The following RXRG variants were observed in gnomAD, a reference collection of about 807,000 sequenced individuals.
RXRG encodes retinoid X receptor gamma, also known as retinoic acid receptor RXR-gamma.
A neutral mutation model predicts 49.2 loss-of-function variants in RXRG; 19 were observed. That is an observed-to-expected ratio of 0.39 (90% CI 0.27 to 0.57). The LOEUF is 0.57. Among genes scored for constraint, RXRG ranks in the 20% least tolerant of loss-of-function variants. The pLI is 0.64. For synonymous variants in RXRG, 224 were observed against 216.6 expected, an observed-to-expected ratio of 1.03 and a Z score of -0.30; for missense variants, 452 against 592.5, an observed-to-expected ratio of 0.76 and a Z score of 2.46.
chr1:165,433,577 T>C (rs1557925010), intron 1 of RXRG, among the ~76,000 whole-genome samples: 1 of 152,252 alleles, frequency 6.6e-6, no homozygotes, highest in Non-Finnish European at 1.5e-5. Flanking sequence ...CTCAAAAGGT[T>C]TTCTTCTCTC....
At chr1:165,414,393 G>T (rs1366342314) in intron 4 of RXRG, among the ~76,000 whole-genome samples, 4 of 152,160 alleles carry the variant, frequency 2.6e-5, no homozygotes, top group Non-Finnish European at 5.9e-5. Context: ...ACGAACCACA[G>T]TTCCCAACAT....
chr1:165,431,255 C>T (rs1230150767), intron 1 of RXRG, among the ~76,000 whole-genome samples: 1 of 152,078 alleles, frequency 6.6e-6, no homozygotes, highest in Non-Finnish European at 1.5e-5. Flanking sequence ...TACAAGATGA[C>T]TCAATTATGA....
chr1:165,434,224 A>T (rs1184570527), intron 1 of RXRG, among the ~76,000 whole-genome samples: 1 of 151,772 alleles, frequency 6.6e-6, no homozygotes, highest in East Asian at 1.9e-4. Flanking sequence ...ATAAGAAAGC[A>T]ATGTTCCTGA....
Position 165,410,971 on chromosome 1 carries a change from C to T in RXRG, c.761G>A (p.Gly254Asp). The T allele has an allele frequency of 1.2e-6, 2 of 1,614,162 alleles. No homozygotes were observed. Among genetic ancestry groups the T allele is most frequent in the Non-Finnish European group, 8.5e-7 (1 of 1,180,014 alleles). Residue 254 changes from glycine (G) to aspartate (D), a missense_variant, in exon 5 of 10, where the codon GGT (glycine) becomes GAT (aspartate). Physicochemically the swap from Gly to Asp is moderately conservative, Grantham distance 94. This residue lies in a region of RXRG where 286 missense variants were observed against 440.9 expected (regional missense o/e 0.65). Transcript: ENST00000359842. ...TACCGAGTTCTCCATATTCATGTCA[C>T]CATAGGATTCTGTCTTTGGTTCAAC... ...LAVEPKTESY[G>D]DMNMENSTND...
chr1:165,426,301 G>A (rs1658484503), intron 2 of RXRG, among the ~76,000 whole-genome samples: 1 of 152,160 alleles, frequency 6.6e-6, no homozygotes, highest in Admixed American at 6.5e-5. Flanking sequence ...TAGTTTATTT[G>A]GCCTGAGGAA....
intron 1 of RXRG, among the ~76,000 whole-genome samples, chr1:165,440,927 T>C (rs1021080897): frequency 4.6e-5 from 7 of 152,270 alleles, no homozygotes; most frequent in Non-Finnish European, 5.9e-5. Flanking sequence ...AAATAGTTTA[T>C]ACGAAATATG....
At position 165,403,885 on chromosome 1, in the gene RXRG, C is replaced by T. The variant is rs1269824021; in HGVS notation, c.1245-2475G>A. On this transcript the variant is annotated intron_variant, in intron 9 of 9. Transcript: ENST00000359842. ...ATCAAGGCTAATAGAAATAAACACA[C>T]CCATGAACGTCACAGCATTCCTCAC... Among the ~76,000 whole-genome samples, 5 of 152,322 alleles carry T rather than the reference C, an allele frequency of 3.3e-5. No homozygotes were observed. The South Asian group carries it at 6.2e-4, about 19-fold the overall frequency.
chr1:165,417,007 C>T (rs1658146221), intron 4 of RXRG, 34 bp downstream of exon 4: 4 of 1,588,398 alleles, frequency 2.5e-6, no homozygotes, highest in Non-Finnish European at 3.4e-6. Context: ...ATGCCTCTCT[C>T]CGGACACGAG....
intron 6 of RXRG, among the ~76,000 whole-genome samples, chr1:165,409,924 G>A (rs919887885): frequency 6.6e-6 from 1 of 150,590 alleles, no homozygotes; most frequent in African/African-American, 2.4e-5. Flanking sequence ...ATGCAACCCA[G>A]AATGACAGCT....
intron 7 of RXRG, among the ~76,000 whole-genome samples, chr1:165,408,557 G>A (rs1657835685): frequency 1.3e-5 from 2 of 152,170 alleles, no homozygotes; most frequent in African/African-American, 4.8e-5. Flanking sequence ...ACTGCCATGA[G>A]CAAAGTCCAA....
chr1:165,414,618 T>C (rs984056852), intron 4 of RXRG, among the ~76,000 whole-genome samples: 5 of 152,304 alleles, frequency 3.3e-5, no homozygotes, highest in African/African-American at 1.2e-4. Context: ...GGGAAAAAAA[T>C]GACCCTGCAG....
intron 2 of RXRG, among the ~76,000 whole-genome samples, chr1:165,427,732 G>A (rs531005155): frequency 5.9e-5 from 9 of 152,298 alleles, no homozygotes; most frequent in Admixed American, 4.6e-4. Context: ...ATGAGCCACC[G>A]TGCCCGGCCT....
In RXRG at chr1:165,401,030, G is replaced by T. The variant is rs1251124361; in HGVS notation, c.*233C>A. ...ACAGAGGCTTGATTAGTTTTCCCAA[G>T]AACTTCCAGAAAGTCTCCCAGCCCT... On this transcript the variant is annotated 3_prime_UTR_variant, in exon 10 of 10. Coordinates refer to ENST00000359842, the MANE Select transcript of RXRG (RefSeq NM_006917.5). 3 of 468,658 alleles carry T rather than the reference G, an allele frequency of 6.4e-6. No individual in the cohort carries two copies. The Admixed American group carries it at 1.2e-4, about 19-fold the overall frequency. 29.0% of individuals were successfully genotyped at this position (468,658 alleles called of 1,614,324 possible).
chr1:165,408,470 C>T (rs1657829493), intron 7 of RXRG, 152 bp from the exon 8 acceptor site: 1 of 624,630 alleles, frequency 1.6e-6, no homozygotes, highest in Admixed American at 2.7e-5. Context: ...GATGCAACCC[C>T]TCATTGCAAG....
intron 3 of RXRG, among the ~76,000 whole-genome samples, chr1:165,419,136 C>T (rs1658227945): frequency 6.6e-6 from 1 of 151,754 alleles, no homozygotes; most frequent in Non-Finnish European, 1.5e-5. Flanking sequence ...AGGAAAGAAG[C>T]AAGGAAAGAA....
intron 9 of RXRG, among the ~76,000 whole-genome samples, chr1:165,402,886 ACT>A (rs1657629040): frequency 1.3e-5 from 2 of 151,794 alleles, no homozygotes; most frequent in Admixed American, 6.6e-5. Flanking sequence ...ATGTGCACAC[ACT>A]CATTCTCACA....
At position 165,401,269 on chromosome 1, in the gene RXRG, G is replaced by A. The variant is rs757291984; in HGVS notation, c.1386C>T (p.Ile462=). The change falls in exon 10 of 10, where the codon ATC becomes ATT. Residue 462 remains isoleucine (I), a synonymous_variant. Transcript: ENST00000359842. The stretch of plus-strand genomic sequence containing the variant: ...AGGCTGTGGCTGGTGGGGCTCAGGT[G>A]ATCTGCAGCGGGGTCTCCAACATCT... ...LMEMLETPLQ[I]T 1.2e-6 allele frequency: 2 copies of A among 1,613,974 alleles called. No individual in the cohort carries two copies.
intron 2 of RXRG, among the ~76,000 whole-genome samples, chr1:165,427,720 G>A (rs952919497): frequency 1.1e-4 from 16 of 152,196 alleles, no homozygotes; most frequent in African/African-American, 3.9e-4. Context: ...AGGATTATAG[G>A]CATGAGCCAC....
In RXRG at chr1:165,401,265, A is replaced by C. The variant is rs1657555984; in HGVS notation, c.1390T>G (p.Ter464GlyextTer39). Residue 464 changes from the stop codon to glycine (G), a stop_lost, in exon 10 of 10, where the codon TGA becomes GGA. Coordinates refer to ENST00000359842, the MANE Select transcript of RXRG (RefSeq NM_006917.5). ...EMLETPLQIT[*>G] is the part of the protein sequence containing the mutation. ...GGGGAGGCTGTGGCTGGTGGGGCTCAGGTGATCTGCAGCGGGGTCTCCAAC... is the reference window on the plus strand; with the variant it reads ...GGGGAGGCTGTGGCTGGTGGGGCTCCGGTGATCTGCAGCGGGGTCTCCAAC... 2.5e-6 allele frequency: 4 copies of C among 1,614,006 alleles called. No individual in the cohort carries two copies. Among genetic ancestry groups the C allele is most frequent in the Non-Finnish European group, 3.4e-6 (4 of 1,179,958 alleles).
Sources: gnomAD v4.1 joint callset for allele counts (sites outside exome capture counted in the v4.1 genomes callset) on GRCh38, gnomAD v4.1.1 for gene constraint, gnomAD v4.1.1 regional missense constraint, MANE v1.5 for transcripts, NCBI Gene and HGNC (gene_info 2026-07-23, HGNC 2026-07-21) for gene names.